USP47: variants seen among roughly 807,000 people sequenced by gnomAD.
The protein encoded by USP47 is ubiquitin carboxyl-terminal hydrolase 47.
USP47 carries 35 observed loss-of-function variants against 165.1 expected under a neutral mutation model. That is an observed-to-expected ratio of 0.21 (90% CI 0.16 to 0.28). USP47 has a LOEUF of 0.28. Among genes scored for constraint, USP47 ranks in the 10% least tolerant of loss-of-function variants. The pLI, the probability that USP47 is intolerant of heterozygous loss-of-function variation, is 1.00. For missense variants in USP47, 1,277 were observed against 1,607.4 expected (o/e 0.79, Z 3.52); for synonymous variants, 531 against 544.5 (o/e 0.98, Z 0.35).
intron 1 of USP47, chr11:11,856,444 G>A (rs1171103213): frequency 6.6e-6 from 1 of 151,894 alleles, no homozygotes; most frequent in Non-Finnish European, 1.5e-5. Context: ...TGTTTTTTAA[G>A]AATAAAATAT....
chr11:11,852,796 ATTC>A (rs1430990880), intron 1 of USP47, among the ~76,000 whole-genome samples: 1 of 152,200 alleles, frequency 6.6e-6, no homozygotes, highest in Non-Finnish European at 1.5e-5. Flanking sequence ...TTAACCAGAG[ATTC>A]TTAATGTTTT....
rs1238988886 is a variant in USP47 at position 11,958,800 on chromosome 11, T to A, written c.*2625T>A. The A allele has an allele frequency of 6.6e-6, 1 of 152,176 alleles. No homozygotes were observed. The highest frequency in any genetic ancestry group is 1.5e-5 in the Non-Finnish European group (1 of 68,038). 9.4% of individuals were successfully genotyped at this position (152,176 alleles called of 1,614,324 possible). On this transcript the variant is annotated 3_prime_UTR_variant, in exon 28 of 28. Coordinates refer to ENST00000527733, the MANE Select transcript of USP47 (RefSeq NM_001282659.2). The stretch of plus-strand genomic sequence containing the variant: ...GTGTAGCTGATCTGTACGGGACGTG[T>A]ATGTAAGGAAGAGCAATCATGATAG...
intron 2 of USP47, among the ~76,000 whole-genome samples, chr11:11,881,524 A>G (rs1850828092): frequency 6.6e-6 from 1 of 151,774 alleles, no homozygotes; most frequent in Admixed American, 6.6e-5. Context: ...CTCTTATAGG[A>G]TCTTTGGGCT....
intron 17 of USP47, 101 bp downstream of exon 17, chr11:11,936,611 A>G: frequency 2.0e-6 from 2 of 991,492 alleles, no homozygotes; most frequent in Admixed American, 6.0e-5. Flanking sequence ...AATTTTGTAT[A>G]TGGTCTTAAA....
intron 20 of USP47, among the ~76,000 whole-genome samples, chr11:11,947,491 C>T (rs1033824874): frequency 6.6e-6 from 1 of 152,168 alleles, no homozygotes; most frequent in Non-Finnish European, 1.5e-5. Context: ...AATTACCTCA[C>T]TGAAGTCACA....
chr11:11,961,818 T>C lies in USP47; in HGVS notation c.*5643T>C, dbSNP rs1201615236. Among the ~76,000 whole-genome samples, 1 of 152,226 alleles carries C rather than the reference T, an allele frequency of 6.6e-6. No individual in the cohort carries two copies. The highest frequency in any genetic ancestry group is 2.4e-5 in the African/African-American group (1 of 41,466). On this transcript the variant is annotated 3_prime_UTR_variant, in exon 28 of 28. Transcript: ENST00000527733. Reference sequence around the variant, plus strand: ...TTACCTGACGGCATCTGCCATGGCTTGGCAGGAACTCTGGCTTTGGGAGAG... The same window carrying C: ...TTACCTGACGGCATCTGCCATGGCTCGGCAGGAACTCTGGCTTTGGGAGAG...
chr11:11,918,990 G>A (rs1309131408), intron 8 of USP47, among the ~76,000 whole-genome samples: 2 of 151,572 alleles, frequency 1.3e-5, no homozygotes, highest in Non-Finnish European at 3.0e-5. Flanking sequence ...TTCTAAATGT[G>A]TCATTTGACC....
chr11:11,892,114 T>G lies in USP47; in HGVS notation c.496+8T>G, dbSNP rs1239393005. The stretch of plus-strand genomic sequence containing the variant: ...TGAATAAATCAGAAACTGGTAAGAT[T>G]TGTTGTATTTTCATAAAATCATAGG... On this transcript the variant is annotated splice_region_variant and intron_variant, in intron 4 of 27. Coordinates refer to ENST00000527733, the MANE Select transcript of USP47 (RefSeq NM_001282659.2). 2 of 1,610,186 alleles carry G rather than the reference T, an allele frequency of 1.2e-6. No homozygotes were observed. The highest frequency in any genetic ancestry group is 1.7e-5 in the Admixed American group (1 of 59,332).
rs746564767 is a variant in USP47 at position 11,922,843 on chromosome 11, T to G, written c.1338T>G (p.Leu446=). 1 of 1,611,312 alleles carries G rather than the reference T, an allele frequency of 6.2e-7. No individual in the cohort carries two copies. The highest frequency in any genetic ancestry group is 8.5e-7 in the Non-Finnish European group (1 of 1,178,258). The change falls in exon 11 of 28, where the codon CTT becomes CTG. Residue 446 remains leucine, a synonymous_variant. Transcript: ENST00000527733. ...NDDGVDEGIC[L]ETNSGTEKIS... ...ATGGTGTTGATGAAGGAATCTGTCT[T>G]GAAACCAATAGTGGAACTGAAAAGA...
chr11:11,925,259 C>G (rs1854151729), intron 11 of USP47, among the ~76,000 whole-genome samples: 1 of 151,970 alleles, frequency 6.6e-6, no homozygotes, highest in Non-Finnish European at 1.5e-5. Context: ...AGGCACCGGC[C>G]ACCACGCCCA....
At chr11:11,864,019 A>G (rs1236416000) in intron 1 of USP47, among the ~76,000 whole-genome samples, 1 of 152,136 alleles carries the variant, frequency 6.6e-6, no homozygotes, top group Non-Finnish European at 1.5e-5. Flanking sequence ...TGGTGATAGC[A>G]TTGCTTCTAG....
chr11:11,907,683 T>G (rs1457913428), intron 8 of USP47, among the ~76,000 whole-genome samples: 1 of 152,140 alleles, frequency 6.6e-6, no homozygotes, highest in Non-Finnish European at 1.5e-5. Flanking sequence ...TTAAAAGAGG[T>G]ACCATAAAAT....
At chr11:11,903,181 C>A in intron 6 of USP47, 82 bp from the exon 7 acceptor site, 1 of 1,328,190 alleles carries the variant, frequency 7.5e-7, no homozygotes, top group Non-Finnish European at 1.0e-6. Flanking sequence ...TTCAATATTT[C>A]TGTCTATTTG....
At chr11:11,859,582 T>A (rs1252203723) in intron 1 of USP47, among the ~76,000 whole-genome samples, 1 of 152,178 alleles carries the variant, frequency 6.6e-6, no homozygotes, top group Admixed American at 6.5e-5. Context: ...TCTTTGCAGA[T>A]GTTCCTCATC....
At chr11:11,860,123 A>T (rs1849294095) in intron 1 of USP47, among the ~76,000 whole-genome samples, 1 of 149,712 alleles carries the variant, frequency 6.7e-6, no homozygotes, top group Non-Finnish European at 1.5e-5. Flanking sequence ...AGTGGAGGAT[A>T]TATTTTATTT....
At chr11:11,947,406 A>G (rs1011823811) in intron 20 of USP47, among the ~76,000 whole-genome samples, 15 of 152,196 alleles carry the variant, frequency 9.9e-5, no homozygotes, top group African/African-American at 3.6e-4. Context: ...GAAAATCTGA[A>G]AATTAAATAA....
chr11:11,959,418 G>A lies in USP47; in HGVS notation c.*3243G>A, dbSNP rs1011135179. The A allele has an allele frequency of 2.6e-5, 4 of 152,172 alleles. No individual in the cohort carries two copies. Among genetic ancestry groups the A allele is most frequent in the African/African-American group, 7.2e-5 (3 of 41,432 alleles). 9.4% of individuals were successfully genotyped at this position (152,172 alleles called of 1,614,324 possible). A position where few individuals can be genotyped will look rare whatever the true frequency, so the allele number is the denominator to read the frequency against. ...TATGTCCTGAAAGGCAAAACTCTGTGTATGTGCGATTTACCAGGGAGATAG... is the reference window on the plus strand; with the variant it reads ...TATGTCCTGAAAGGCAAAACTCTGTATATGTGCGATTTACCAGGGAGATAG... On this transcript the variant is annotated 3_prime_UTR_variant, in exon 28 of 28. Coordinates refer to ENST00000527733, the MANE Select transcript of USP47 (RefSeq NM_001282659.2).
intron 1 of USP47, among the ~76,000 whole-genome samples, chr11:11,877,803 CTCTGTGTGTGTGTGTGTGTGTGTGTG>C (rs1850548364): frequency 2.3e-5 from 1 of 42,958 alleles, no homozygotes; most frequent in African/African-American, 8.0e-5. Context: ...CTCTCTCTCT[CTCTGTGTGTGTGTGTGTGTGTGTGTG>C]TGTGTGTGTG....
intron 8 of USP47, among the ~76,000 whole-genome samples, chr11:11,919,358 AAG>A (rs1339477671): frequency 6.6e-6 from 1 of 151,966 alleles, no homozygotes; most frequent in Non-Finnish European, 1.5e-5. Flanking sequence ...GTGTGAAGAA[AAG>A]AGAGAACATC....
Sources: gnomAD v4.1 joint callset for allele counts (sites outside exome capture counted in the v4.1 genomes callset) on GRCh38, gnomAD v4.1.1 for gene constraint, MANE v1.5 for transcripts, NCBI Gene and HGNC (gene_info 2026-07-23, HGNC 2026-07-21) for gene names.